CTNND2: variants seen among roughly 807,000 people sequenced by gnomAD.
The protein encoded by CTNND2 is catenin delta-2.
A neutral mutation model predicts 144.4 loss-of-function variants in CTNND2; 22 were observed. That is an observed-to-expected ratio of 0.15 (90% CI 0.11 to 0.22). The LOEUF (loss-of-function observed/expected upper bound fraction) is 0.22, where lower values mean the gene tolerates loss of function less well. Ranked by LOEUF, CTNND2 falls within the 10% of genes least tolerant of loss-of-function variation. The probability of loss-of-function intolerance (pLI) is 1.00; values close to 1 mark genes in which losing one functional copy is unlikely to be tolerated. For synonymous variants in CTNND2, 751 were observed against 695.6 expected (o/e 1.08, Z -1.25); for missense variants, 1,353 against 1,618.8 (o/e 0.84, Z 2.82).
chr5:11,328,749 T>TC (rs1752790821), intron 9 of CTNND2, among the ~76,000 whole-genome samples: 1 of 152,184 alleles, frequency 6.6e-6, no homozygotes, highest in Non-Finnish European at 1.5e-5. Flanking sequence ...TATTGCGAAG[T>TC]CCCACTTCAG....
At chr5:11,437,721 G>T (rs769839416) in intron 3 of CTNND2, among the ~76,000 whole-genome samples, 2 of 152,232 alleles carry the variant, frequency 1.3e-5, no homozygotes, top group Non-Finnish European at 2.9e-5. Flanking sequence ...CAAGAAGGAA[G>T]AGGAGAGGAC....
At chr5:11,300,435 G>A (rs947091754) in intron 9 of CTNND2, among the ~76,000 whole-genome samples, 2 of 151,978 alleles carry the variant, frequency 1.3e-5, no homozygotes, top group Non-Finnish European at 2.9e-5. Flanking sequence ...CCCTCAAGTC[G>A]GGTCCAGCTT....
At chr5:11,544,429 T>C (rs895651457) in intron 3 of CTNND2, among the ~76,000 whole-genome samples, 11 of 152,326 alleles carry the variant, frequency 7.2e-5, no homozygotes, top group South Asian at 4.1e-4. Flanking sequence ...TATGACTCAA[T>C]GATGCCACAA....
At chr5:11,409,493 G>A (rs1300355008) in intron 5 of CTNND2, among the ~76,000 whole-genome samples, 1 of 151,994 alleles carries the variant, frequency 6.6e-6, no homozygotes, top group Non-Finnish European at 1.5e-5. Context: ...CATGAGACGT[G>A]CATTCAAATG....
intron 8 of CTNND2, among the ~76,000 whole-genome samples, chr5:11,353,420 T>G (rs977809331): frequency 6.6e-6 from 1 of 152,192 alleles, no homozygotes; most frequent in African/African-American, 2.4e-5. Context: ...GTGCAATATG[T>G]TTGGCAGAAA....
At chr5:11,505,323 C>G (rs1476894445) in intron 3 of CTNND2, among the ~76,000 whole-genome samples, 1 of 152,070 alleles carries the variant, frequency 6.6e-6, no homozygotes, top group African/African-American at 2.4e-5. Context: ...TGGAGTTTGC[C>G]TAGGAGAGAA....
At chr5:11,276,286 G>C (rs1202877226) in intron 9 of CTNND2, among the ~76,000 whole-genome samples, 3 of 152,188 alleles carry the variant, frequency 2.0e-5, no homozygotes, top group Non-Finnish European at 2.9e-5. Context: ...CCTTGAGTCT[G>C]GATGAAGGAG....
rs113798495 is a variant in CTNND2, at chr5:11,832,208, C to T, written c.37+71609G>A. Among the ~76,000 whole-genome samples the T allele has an allele frequency of 3.2e-3, 485 of 151,364 alleles. 4 individuals are homozygous for T. The highest frequency in any genetic ancestry group is 0.011 in the African/African-American group (444 of 41,298). On this transcript the variant is annotated intron_variant, in intron 1 of 21. Transcript: ENST00000304623. ...CTGAGGCAGAAGAATGGCATGAACC[C>T]GGAGGCGGAGCTTGCAGTGAGCTGA...
At chr5:11,848,995 G>A (rs1794885145) in intron 1 of CTNND2, among the ~76,000 whole-genome samples, 1 of 152,120 alleles carries the variant, frequency 6.6e-6, no homozygotes, top group Non-Finnish European at 1.5e-5. Flanking sequence ...GATGAAGGTA[G>A]TAAAGAAGAA....
intron 3 of CTNND2, among the ~76,000 whole-genome samples, chr5:11,485,520 AAAT>A (rs1356577736): frequency 3.3e-5 from 5 of 152,222 alleles, no homozygotes; most frequent in African/African-American, 1.2e-4. Context: ...TCAGCTATCA[AAAT>A]ATACTCTAAA....
rs577099570 is a variant in CTNND2 at position 11,680,742 on chromosome 5, T to C, written c.174+51394A>G. ...AGAAATAACAGCACAGAGCAGCAGGTGGACTGCAGAGGAGGTCAGGATGAA... is the reference window on the plus strand; with the variant it reads ...AGAAATAACAGCACAGAGCAGCAGGCGGACTGCAGAGGAGGTCAGGATGAA... On this transcript the variant is annotated intron_variant, in intron 2 of 21. Transcript: ENST00000304623. Among the ~76,000 whole-genome samples the C allele has an allele frequency of 2.0e-5, 3 of 152,080 alleles. No homozygotes were observed. In the East Asian group the frequency reaches 5.8e-4, roughly 29 times the overall value.
chr5:11,898,646 C>T (rs1413048258), intron 1 of CTNND2, among the ~76,000 whole-genome samples: 1 of 152,072 alleles, frequency 6.6e-6, no homozygotes, highest in African/African-American at 2.4e-5. Context: ...AGAAATGTTA[C>T]ATATATTTAT....
chr5:11,320,629 C>T (rs1300293268), intron 9 of CTNND2, among the ~76,000 whole-genome samples: 2 of 152,166 alleles, frequency 1.3e-5, no homozygotes, highest in South Asian at 2.1e-4. Flanking sequence ...TCACATCTTA[C>T]GTGGATGGCA....
At chr5:11,247,546 T>TA in intron 9 of CTNND2, among the ~76,000 whole-genome samples, 1 of 152,322 alleles carries the variant, frequency 6.6e-6, no homozygotes, top group Middle Eastern at 3.4e-3. Context: ...GAGAAAACAG[T>TA]AAAATGATGA....
intron 3 of CTNND2, among the ~76,000 whole-genome samples, chr5:11,442,912 C>G (rs148654936): frequency 0.037 from 5,245 of 142,300 alleles, 127 homozygotes; most frequent in Non-Finnish European, 0.06. Flanking sequence ...GTGAAAAGCA[C>G]TAAAATTAAT....
At chr5:11,835,275 C>A (rs184002841) in intron 1 of CTNND2, among the ~76,000 whole-genome samples, 2 of 152,228 alleles carry the variant, frequency 1.3e-5, no homozygotes, top group South Asian at 2.1e-4. Flanking sequence ...TTTTCTTCTA[C>A]TGTTTTTGTC....
intron 9 of CTNND2, among the ~76,000 whole-genome samples, chr5:11,243,107 T>C (rs1409788510): frequency 6.6e-6 from 1 of 152,258 alleles, no homozygotes; most frequent in South Asian, 2.1e-4. Context: ...TTAGACATTA[T>C]ACTTATTTGA....
chr5:11,185,295 T>C (rs1735513852), intron 11 of CTNND2, among the ~76,000 whole-genome samples: 1 of 152,214 alleles, frequency 6.6e-6, no homozygotes, highest in African/African-American at 2.4e-5. Flanking sequence ...TCCCTCTCCC[T>C]AACTCAGTGG....
At chr5:11,767,110 TAAA>T (rs1300313962) in intron 1 of CTNND2, among the ~76,000 whole-genome samples, 2 of 152,080 alleles carry the variant, frequency 1.3e-5, no homozygotes, top group African/African-American at 4.8e-5. Context: ...TCATTAAAAA[TAAA>T]AAATCTCACC....
Sources: gnomAD v4.1 joint callset for allele counts (sites outside exome capture counted in the v4.1 genomes callset) on GRCh38, gnomAD v4.1.1 for gene constraint, MANE v1.5 for transcripts, NCBI Gene and HGNC (gene_info 2026-07-23, HGNC 2026-07-21) for gene names.